The following ESRRB variants were observed in gnomAD, a reference collection of about 807,000 sequenced individuals.
The protein encoded by ESRRB is estrogen related receptor beta, also known as steroid hormone receptor ERR2.
In ESRRB, 16 loss-of-function variants were observed where a neutral mutation model predicts 46.0. That is an observed-to-expected ratio of 0.35 (90% CI 0.24 to 0.53). The LOEUF is 0.53. Among genes scored for constraint, ESRRB ranks in the 20% least tolerant of loss-of-function variants. The pLI is 0.93. For missense variants in ESRRB, 488 were observed against 607.4 expected (o/e 0.80, Z 2.07); for synonymous variants, 246 against 259.6 (o/e 0.95, Z 0.50).
chr14:76,500,185 A>G lies in ESRRB; in HGVS notation c.*1727A>G. ...GCTGAGGTCATCCCAGACAGGAGGG[A>G]GGGCTGGCTGAAATCCACAAACTGC... is the stretch of plus-strand genomic sequence containing the variant. On this transcript the variant is annotated 3_prime_UTR_variant, in exon 7 of 7. Transcript: ENST00000644823. 1.2e-6 allele frequency: 1 copy of G among 803,110 alleles called. No homozygotes were observed. Among genetic ancestry groups the G allele is most frequent in the Non-Finnish European group, 2.0e-6 (1 of 508,052 alleles). The allele number at this position is 803,110 out of a possible 1,614,324, so 49.7% of individuals were successfully genotyped here. A position where few individuals can be genotyped will look rare whatever the true frequency, so the allele number is the denominator to read the frequency against.
In ESRRB at chr14:76,463,445, G is replaced by GTTTTTTTTGTTTTTTTTTTTTTTT. The variant is rs1362309981; in HGVS notation, c.577+792_577+793insGTTTTTTTTTTTTTTTTTTTTTTT. On this transcript the variant is annotated intron_variant, in intron 3 of 6. Coordinates refer to ENST00000644823, the MANE Select transcript of ESRRB (RefSeq NM_001379180.1). The stretch of plus-strand genomic sequence containing the variant: ...TGAAATTAGCATCACATGCTTCTTT[G>GTTTTTTTTGTTTTTTTTTTTTTTT]TTTTTTTTTTTTTTTTTTGGAGACG... 45 of 114,700 alleles carry GTTTTTTTTGTTTTTTTTTTTTTTT rather than the reference G, an allele frequency of 3.9e-4. 2 individuals are homozygous for GTTTTTTTTGTTTTTTTTTTTTTTT. The highest frequency in any genetic ancestry group is 1.2e-3 in the African/African-American group (32 of 27,290). The allele number at this position is 114,700 out of a possible 1,614,324, so 7.1% of individuals were successfully genotyped here.
chr14:76,495,294 T>C (rs982514207), intron 6 of ESRRB: 24 of 152,072 alleles, frequency 1.6e-4, no homozygotes, highest in African/African-American at 5.8e-4. Flanking sequence ...AGGTTTCAGG[T>C]CTCCGGACTT....
At chr14:76,374,711 A>C (rs1255546912), upstream of ESRRB, among the ~76,000 whole-genome samples, 2 of 152,100 alleles carry the variant, frequency 1.3e-5, no homozygotes, top group Admixed American at 1.3e-4. Context: ...TGAAGTACCT[A>C]TGTGATTTTT....
chr14:76,439,284 C>G, intron 1 of ESRRB, 57 bp from the exon 2 acceptor site: 1 of 1,599,622 alleles, frequency 6.3e-7, no homozygotes, highest in Non-Finnish European at 8.6e-7. Flanking sequence ...GGGGCTGGAC[C>G]CGCCCACCAC....
intron 1 of ESRRB, among the ~76,000 whole-genome samples, chr14:76,425,393 C>T (rs1384093859): frequency 6.6e-6 from 1 of 152,120 alleles, no homozygotes; most frequent in Admixed American, 6.5e-5. Context: ...CAGGTAGCCA[C>T]ATGGCTGGGA....
intron 6 of ESRRB, among the ~76,000 whole-genome samples, 184 bp downstream of exon 6, chr14:76,491,900 G>A (rs1339674734): frequency 1.3e-5 from 2 of 152,244 alleles, no homozygotes; most frequent in African/African-American, 2.4e-5. Flanking sequence ...TGGTGATGAA[G>A]GCTGACACTG....
upstream of ESRRB, among the ~76,000 whole-genome samples, chr14:76,370,415 C>T (rs532116177): frequency 3.2e-4 from 49 of 151,940 alleles, no homozygotes; most frequent in Admixed American, 1.6e-3. Context: ...AAAAAATTGT[C>T]GCCAAAGTCA....
intron 1 of ESRRB, among the ~76,000 whole-genome samples, chr14:76,379,653 T>C (rs925648506): frequency 7.3e-5 from 11 of 151,616 alleles, no homozygotes; most frequent in African/African-American, 2.7e-4. Flanking sequence ...AGGTGGGAGG[T>C]GTTCAGGCCT....
chr14:76,458,266 C>T (rs1888695297), intron 2 of ESRRB, among the ~76,000 whole-genome samples: 2 of 152,108 alleles, frequency 1.3e-5, no homozygotes, highest in Admixed American at 6.6e-5. Flanking sequence ...CAAGAGACCA[C>T]AGGAATTCTG....
intron 2 of ESRRB, among the ~76,000 whole-genome samples, chr14:76,443,021 G>T (rs1376494191): frequency 6.6e-6 from 1 of 151,706 alleles, no homozygotes; most frequent in African/African-American, 2.4e-5. Flanking sequence ...TCACCATGTT[G>T]GCTAGGCTGG....
At position 76,388,480 on chromosome 14, in the gene ESRRB, C is replaced by T. The variant is rs567187487; in HGVS notation, c.50+12029C>T. ...GATTACAGGCGTGAGCCACTGCACC[C>T]GGCCTAGAATTTCAGCTTTCTAACT... On this transcript the variant is annotated intron_variant, in intron 1 of 6. Coordinates refer to ENST00000644823, the MANE Select transcript of ESRRB (RefSeq NM_001379180.1). Among the ~76,000 whole-genome samples the T allele has an allele frequency of 1.7e-4, 26 of 152,284 alleles. No homozygotes were observed. In the South Asian group the frequency reaches 2.1e-3, roughly 12 times the overall value.
At chr14:76,381,159 T>C (rs1884998274) in intron 1 of ESRRB, among the ~76,000 whole-genome samples, 1 of 152,098 alleles carries the variant, frequency 6.6e-6, no homozygotes. Flanking sequence ...GGGGTGGGAT[T>C]ATATCCTTTT....
chr14:76,330,813 G>A (rs1884004695), intron 1 of ESRRB, among the ~76,000 whole-genome samples: 1 of 152,166 alleles, frequency 6.6e-6, no homozygotes, highest in African/African-American at 2.4e-5. Flanking sequence ...CTGGGGGATG[G>A]GGGCAGGGGT....
At chr14:76,361,891 T>C (rs1380512435) in intron 1 of ESRRB, among the ~76,000 whole-genome samples, 1 of 152,118 alleles carries the variant, frequency 6.6e-6, no homozygotes, top group African/African-American at 2.4e-5. Context: ...TGGGAAGATA[T>C]GTTTGGTCCT....
At chr14:76,332,261 G>C (rs916899979) in intron 1 of ESRRB, among the ~76,000 whole-genome samples, 1 of 150,422 alleles carries the variant, frequency 6.6e-6, no homozygotes, top group Non-Finnish European at 1.5e-5. Context: ...CTGTCCAGTG[G>C]AAATGCAATG....
chr14:76,434,165 A>G (rs1887570870), intron 1 of ESRRB, among the ~76,000 whole-genome samples: 1 of 152,078 alleles, frequency 6.6e-6, no homozygotes, highest in South Asian at 2.1e-4. Flanking sequence ...TTTCATTCGA[A>G]TGAATGAACA....
At chr14:76,339,023 G>A (rs1296606245) in intron 1 of ESRRB, among the ~76,000 whole-genome samples, 1 of 152,160 alleles carries the variant, frequency 6.6e-6, no homozygotes, top group Non-Finnish European at 1.5e-5. Context: ...CTCATGTTTT[G>A]ATAAAAAAAT....
intron 1 of ESRRB, among the ~76,000 whole-genome samples, chr14:76,329,986 G>C (rs1883992485): frequency 6.8e-6 from 1 of 147,874 alleles, no homozygotes; most frequent in Non-Finnish European, 1.5e-5. Context: ...GGGAGGGGAA[G>C]AGGGAAGGGA....
chr14:76,465,669 CTT>C (rs1889076233), intron 3 of ESRRB, among the ~76,000 whole-genome samples: 1 of 152,174 alleles, frequency 6.6e-6, no homozygotes, highest in Non-Finnish European at 1.5e-5. Flanking sequence ...GGTTGATGGT[CTT>C]TACCCAGGGT....
Sources: allele counts gnomAD v4.1 joint callset (sites outside exome capture counted in the v4.1 genomes callset), GRCh38; gene constraint gnomAD v4.1.1; transcripts MANE v1.5; gene names NCBI Gene and HGNC (gene_info 2026-07-23, HGNC 2026-07-21).